Variants in MYO16 observed in about 807,000 individuals in gnomAD.
The protein encoded by MYO16 is myosin XVI, also known as unconventional myosin-XVI.
Under a neutral mutation model 205.3 loss-of-function variants are expected in MYO16, and 94 were observed. The observed-to-expected ratio is 0.46, with a 90% CI of 0.39 to 0.54. MYO16 has a LOEUF of 0.54. Among genes scored for constraint, MYO16 ranks in the 20% least tolerant of loss-of-function variants. MYO16 has a pLI of 0.00. For missense variants in MYO16, 2,315 were observed against 2,387.5 expected, an observed-to-expected ratio of 0.97 and a Z score of 0.63; for synonymous variants, 988 against 954.0, an observed-to-expected ratio of 1.04 and a Z score of -0.66.
intron 3 of MYO16, among the ~76,000 whole-genome samples, chr13:108,726,723 T>A (rs778499950): frequency 1.3e-5 from 2 of 152,124 alleles, no homozygotes; most frequent in Admixed American, 6.6e-5. Context: ...GTTGCATAGA[T>A]TGTACACCCG....
chr13:108,869,920 G>A (rs1232539319), intron 12 of MYO16, among the ~76,000 whole-genome samples: 1 of 150,852 alleles, frequency 6.6e-6, no homozygotes, highest in African/African-American at 2.4e-5. Flanking sequence ...TTATTAATCT[G>A]TTCTTATGTT....
chr13:108,890,605 G>C (rs1161438204), intron 14 of MYO16, among the ~76,000 whole-genome samples: 5 of 152,178 alleles, frequency 3.3e-5, no homozygotes, highest in African/African-American at 7.2e-5. Context: ...TTATGGGCTT[G>C]AACTTAGTCA....
chr13:108,729,098 A>T (rs1884437058), intron 4 of MYO16, among the ~76,000 whole-genome samples: 1 of 152,096 alleles, frequency 6.6e-6, no homozygotes, highest in Non-Finnish European at 1.5e-5. Flanking sequence ...TATTTAGCTG[A>T]AATATAAATT....
chr13:108,871,322 TTGTGTGTGTG>T (rs58117690), intron 12 of MYO16, among the ~76,000 whole-genome samples: 91 of 131,562 alleles, frequency 6.9e-4, no homozygotes, highest in African/African-American at 1.5e-3. Context: ...CTATGTGACT[TTGTGTGTGTG>T]TGTGTGTGTG....
intron 10 of MYO16, among the ~76,000 whole-genome samples, chr13:108,848,961 C>A (rs1441961716): frequency 7.9e-5 from 12 of 151,246 alleles, no homozygotes; most frequent in Admixed American, 7.9e-4. Flanking sequence ...CACATGTGTG[C>A]ACGAGCACAC....
At chr13:109,203,962 T>TGGTTTATC (rs1381068251) in intron 34 of MYO16, among the ~76,000 whole-genome samples, 2 of 152,200 alleles carry the variant, frequency 1.3e-5, no homozygotes, top group Non-Finnish European at 2.9e-5. Context: ...AAATATCATG[T>TGGTTTATC]GGTTTATCTT....
chr13:108,578,997 G>A, the MYO16 span, among the ~76,000 whole-genome samples: 1 of 151,484 alleles, frequency 6.6e-6, no homozygotes, highest in South Asian at 2.1e-4. Flanking sequence ...AAATATAATG[G>A]CTGTGAAATT....
chr13:109,074,195 A>G (rs551717763), intron 27 of MYO16, among the ~76,000 whole-genome samples: 30 of 152,290 alleles, frequency 2.0e-4, no homozygotes, highest in African/African-American at 6.3e-4. Flanking sequence ...ACATACACCC[A>G]TGAGCCCAAG....
chr13:108,865,858 G>GT lies in MYO16; in HGVS notation c.1360-315dup, dbSNP rs1011039005. On this transcript the variant is annotated intron_variant, in intron 11 of 34. Transcript: ENST00000457511. ...CTTTTTCGTAGGCATTTTGTCATATGTTTTAAGTCTATATTTTTTCATTGT... is the reference window on the plus strand; with the variant it reads ...CTTTTTCGTAGGCATTTTGTCATATGTTTTTAAGTCTATATTTTTTCATTGT... Among the ~76,000 whole-genome samples, 358 of 152,014 alleles carry GT rather than the reference G, an allele frequency of 2.4e-3. 1 individual carries two copies. Among genetic ancestry groups the GT allele is most frequent in the African/African-American group, 7.5e-3 (313 of 41,520 alleles).
At chr13:108,711,064 CTA>C (rs1322374769) in intron 2 of MYO16, among the ~76,000 whole-genome samples, 4 of 151,606 alleles carry the variant, frequency 2.6e-5, no homozygotes, top group African/African-American at 7.3e-5. Flanking sequence ...TTCATTTATT[CTA>C]TATATATATA....
At chr13:108,607,354 C>T (rs1411579526) in intron 1 of MYO16, among the ~76,000 whole-genome samples, 1 of 152,060 alleles carries the variant, frequency 6.6e-6, no homozygotes, top group African/African-American at 2.4e-5. Context: ...ATTGTAATCC[C>T]TACGTGTTGG....
the MYO16 span, among the ~76,000 whole-genome samples, chr13:108,562,776 C>T: frequency 1.3e-5 from 2 of 152,140 alleles, no homozygotes; most frequent in African/African-American, 4.8e-5. Context: ...GTGCATGTTG[C>T]ACAGGTTTGT....
chr13:109,067,799 G>T (rs1247711320), intron 27 of MYO16, among the ~76,000 whole-genome samples: 1 of 151,986 alleles, frequency 6.6e-6, no homozygotes, highest in Non-Finnish European at 1.5e-5. Flanking sequence ...AAGGCAGCTG[G>T]GTATGAAATG....
the MYO16 span, among the ~76,000 whole-genome samples, chr13:108,561,867 A>T: frequency 6.6e-6 from 1 of 152,198 alleles, no homozygotes; most frequent in African/African-American, 2.4e-5. Context: ...CTATTGTATG[A>T]CATTAGTAAG....
chr13:109,030,276 G>C (rs536562966), intron 23 of MYO16, among the ~76,000 whole-genome samples: 1 of 151,980 alleles, frequency 6.6e-6, no homozygotes, highest in East Asian at 1.9e-4. Context: ...CACTACAGAA[G>C]AAATTGAGAC....
intron 22 of MYO16, among the ~76,000 whole-genome samples, chr13:109,018,111 C>G (rs527463760): frequency 1.3e-5 from 2 of 152,212 alleles, no homozygotes; most frequent in East Asian, 3.9e-4. Context: ...TTTTATCTAC[C>G]TTTGGTCTTT....
chr13:108,957,397 A>AC (rs1227164907), intron 16 of MYO16, among the ~76,000 whole-genome samples: 1 of 150,330 alleles, frequency 6.7e-6, no homozygotes, highest in African/African-American at 2.4e-5. Flanking sequence ...AAAAAAAAAA[A>AC]AAAACAAAAA....
At chr13:109,167,140 G>T (rs1168841630) in intron 33 of MYO16, 1 of 152,322 alleles carries the variant, frequency 6.6e-6, no homozygotes, top group Non-Finnish European at 1.5e-5. Flanking sequence ...CCCAGATGGA[G>T]GCTGCAGTCT....
At chr13:108,667,024 C>T (rs1487907528) in intron 2 of MYO16, among the ~76,000 whole-genome samples, 1 of 152,134 alleles carries the variant, frequency 6.6e-6, no homozygotes, top group African/African-American at 2.4e-5. Context: ...ATTCATTACT[C>T]ACAATTTGGA....
Sources: gnomAD v4.1 joint callset for allele counts (sites outside exome capture counted in the v4.1 genomes callset) on GRCh38, gnomAD v4.1.1 for gene constraint, MANE v1.5 for transcripts, NCBI Gene and HGNC (gene_info 2026-07-23, HGNC 2026-07-21) for gene names.